The following RAB33A variants were observed in gnomAD, a reference collection of about 807,000 sequenced individuals.
RAB33A encodes ras-related protein Rab-33A.
Under a neutral mutation model 12.0 loss-of-function variants are expected in RAB33A, and 6 were observed. The ratio of observed to expected loss-of-function variants is 0.50; its 90% CI spans 0.27 to 0.99. The LOEUF is 0.99. Ranked by LOEUF, RAB33A falls within the 50% of genes least tolerant of loss-of-function variation. The pLI is 0.11. For missense variants in RAB33A, 109 were observed against 192.0 expected, an observed-to-expected ratio of 0.57 and a Z score of 2.55; for synonymous variants, 70 against 82.4, an observed-to-expected ratio of 0.85 and a Z score of 0.81.
chrX:130,174,519 G>A (rs146307193), intron 1 of RAB33A, among the ~76,000 whole-genome samples: 2 of 112,463 alleles, frequency 1.8e-5, no homozygotes, highest in Admixed American at 1.9e-4. Flanking sequence ...ATTTGGCCTC[G>A]CACTCTGGCT....
chrX:130,126,647 G>A, the RAB33A span, among the ~76,000 whole-genome samples: 2 of 111,724 alleles, frequency 1.8e-5, no homozygotes, highest in Non-Finnish European at 3.8e-5. Context: ...CTGAATTACA[G>A]AGATCAGAGG....
the RAB33A span, among the ~76,000 whole-genome samples, chrX:130,144,824 T>C: frequency 8.9e-6 from 1 of 112,700 alleles, no homozygotes; most frequent in South Asian, 3.6e-4. Flanking sequence ...TACCGGCTTA[T>C]CAACAAACCT....
At chrX:130,116,658 T>A in the RAB33A span, among the ~76,000 whole-genome samples, 1 of 112,449 alleles carries the variant, frequency 8.9e-6, no homozygotes, top group Non-Finnish European at 1.9e-5. Context: ...CCTTGGCATG[T>A]GGATCTGTGT....
chrX:130,114,338 C>G, the RAB33A span, among the ~76,000 whole-genome samples: 1 of 111,680 alleles, frequency 9.0e-6, no homozygotes, highest in Non-Finnish European at 1.9e-5. Flanking sequence ...TAGCCCCACC[C>G]CCCTTGATGA....
the RAB33A span, among the ~76,000 whole-genome samples, chrX:130,111,841 C>T: frequency 8.9e-6 from 1 of 112,047 alleles, no homozygotes; most frequent in Non-Finnish European, 1.9e-5. Flanking sequence ...ACATCAATAC[C>T]GCCGCCTACG....
At chrX:130,111,269 G>T in the RAB33A span, among the ~76,000 whole-genome samples, 1 of 111,985 alleles carries the variant, frequency 8.9e-6, no homozygotes, top group African/African-American at 3.2e-5. Flanking sequence ...TGCTCGTTCC[G>T]CGCCCTTCCC....
At chrX:130,119,115 C>T in the RAB33A span, among the ~76,000 whole-genome samples, 1 of 111,318 alleles carries the variant, frequency 9.0e-6, no homozygotes, top group Non-Finnish European at 1.9e-5. Flanking sequence ...AGCAATTCCA[C>T]TCTTCGGAGG....
the RAB33A span, among the ~76,000 whole-genome samples, chrX:130,120,602 T>G: frequency 8.9e-6 from 1 of 112,228 alleles, no homozygotes; most frequent in African/African-American, 3.2e-5. Flanking sequence ...CTGTGGGGCC[T>G]GCGAGGTGGC....
the RAB33A span, chrX:130,133,412 C>T: frequency 8.3e-7 from 1 of 1,208,452 alleles, no homozygotes. Flanking sequence ...CTCTACCCGC[C>T]TCCTTCCCAA....
chrX:130,121,432 G>T, the RAB33A span, among the ~76,000 whole-genome samples: 1 of 109,590 alleles, frequency 9.1e-6, no homozygotes. Context: ...TGCATTTTTA[G>T]TAGAGACAGG....
chrX:130,133,628 A>C, the RAB33A span, among the ~76,000 whole-genome samples: 1 of 73,328 alleles, frequency 1.4e-5, no homozygotes, highest in African/African-American at 7.0e-5. Flanking sequence ...TAACCCATTT[A>C]AATTTTTTTT....
chrX:130,150,492 T>C, the RAB33A span, among the ~76,000 whole-genome samples: 5 of 102,639 alleles, frequency 4.9e-5, no homozygotes, highest in Non-Finnish European at 8.0e-5. Context: ...CCCGCCACTA[T>C]GCCCGGCTAA....
chrX:130,149,884 G>T, the RAB33A span, among the ~76,000 whole-genome samples: 1 of 112,149 alleles, frequency 8.9e-6, no homozygotes, highest in African/African-American at 3.2e-5. Context: ...TATACTAGAA[G>T]AATAAAGTGC....
the RAB33A span, among the ~76,000 whole-genome samples, chrX:130,150,271 A>C: frequency 1.9e-5 from 2 of 105,471 alleles, no homozygotes; most frequent in Non-Finnish European, 1.9e-5. Flanking sequence ...TTTTACCATT[A>C]TGACCAGTTG....
chrX:130,137,412 C>T, the RAB33A span: 6 of 1,159,002 alleles, frequency 5.2e-6, no homozygotes, highest in Non-Finnish European at 6.9e-6. Flanking sequence ...GATTAAGCTT[C>T]AGATGGTGAA....
the RAB33A span, among the ~76,000 whole-genome samples, chrX:130,149,973 A>T: frequency 3.6e-5 from 4 of 112,192 alleles, no homozygotes; most frequent in Non-Finnish European, 5.6e-5. Flanking sequence ...ATCAATCTAT[A>T]GGGTCCCGGG....
At chrX:130,126,792 G>A in the RAB33A span, among the ~76,000 whole-genome samples, 1 of 112,539 alleles carries the variant, frequency 8.9e-6, no homozygotes, top group Non-Finnish European at 1.9e-5. Flanking sequence ...CATGGGCTCT[G>A]CTCTGGGACA....
chrX:130,143,027 C>G, the RAB33A span, among the ~76,000 whole-genome samples: 4 of 111,927 alleles, frequency 3.6e-5, no homozygotes, highest in African/African-American at 1.3e-4. Flanking sequence ...AACCTTGGCT[C>G]CTGTCCTCAG....
chrX:130,152,408 C>T, the RAB33A span, among the ~76,000 whole-genome samples: 2 of 111,551 alleles, frequency 1.8e-5, no homozygotes, highest in African/African-American at 6.5e-5. Flanking sequence ...TTCTGTACTC[C>T]TAGTTTGCAC....
Sources: gnomAD v4.1 joint callset for allele counts (sites outside exome capture counted in the v4.1 genomes callset) on GRCh38, gnomAD v4.1.1 for gene constraint, MANE v1.5 for transcripts, NCBI Gene and HGNC (gene_info 2026-07-23, HGNC 2026-07-21) for gene names.